CCDC175: variants seen among roughly 807,000 people sequenced by gnomAD.
CCDC175 encodes coiled-coil domain-containing protein 175.
In CCDC175, 100 loss-of-function variants were observed where a neutral mutation model predicts 114.6. That is an observed-to-expected ratio of 0.87 (90% confidence interval 0.74 to 1.03). The LOEUF (loss-of-function observed/expected upper bound fraction) is 1.03. CCDC175 is among the 50% of genes least tolerant of loss of function. The pLI is 0.00. For missense variants in CCDC175, 880 were observed against 917.8 expected (o/e 0.96, Z 0.53); for synonymous variants, 306 against 308.7 (o/e 0.99, Z 0.09).
In CCDC175 at chr14:59,543,333, A is replaced by G; in HGVS notation, c.1283+11T>C. ...AGTAAAGATAAAAAATTTCAAAGGC[A>G]ACAAACATACTGTTGAAGTTCCTGG... On this transcript the variant is annotated intron_variant, in intron 10 of 19. Coordinates refer to ENST00000537690, the MANE Select transcript of CCDC175 (RefSeq NM_001164399.2). 2 of 1,068,242 alleles carry G rather than the reference A, an allele frequency of 1.9e-6. No individual in the cohort carries two copies. The highest frequency in any genetic ancestry group is 1.6e-5 in the African/African-American group (1 of 61,290). The allele number at this position is 1,068,242 out of a possible 1,614,324, so 66.2% of individuals were successfully genotyped here.
At chr14:59,514,691 T>C (rs929946283) in intron 17 of CCDC175, among the ~76,000 whole-genome samples, 1 of 152,184 alleles carries the variant, frequency 6.6e-6, no homozygotes, top group Non-Finnish European at 1.5e-5. Flanking sequence ...TACGTCTGAT[T>C]GGTGTACCTG....
chr14:59,557,061 T>C (rs562358350), intron 7 of CCDC175, among the ~76,000 whole-genome samples: 1 of 152,294 alleles, frequency 6.6e-6, no homozygotes, highest in African/African-American at 2.4e-5. Flanking sequence ...AGTGTGGCGA[T>C]TGCTCAGGGA....
At chr14:59,543,524 AAT>A (rs1234234657) in intron 9 of CCDC175, 70 bp from the exon 10 acceptor site, 28 of 512,420 alleles carry the variant, frequency 5.5e-5, no homozygotes, top group African/African-American at 3.7e-4. Context: ...GAATTTCAAA[AAT>A]AGTTTTGAAA....
At chr14:59,574,592 T>C (rs750695852) in intron 2 of CCDC175, among the ~76,000 whole-genome samples, 18 of 152,216 alleles carry the variant, frequency 1.2e-4, no homozygotes, top group Admixed American at 3.3e-4. Flanking sequence ...AGATTGTGTG[T>C]TTGTTTGTTT....
At chr14:59,506,794 C>T (rs1384605308) in intron 19 of CCDC175, among the ~76,000 whole-genome samples, 1 of 151,862 alleles carries the variant, frequency 6.6e-6, no homozygotes, top group African/African-American at 2.4e-5. Flanking sequence ...TGTATCAAGC[C>T]CCTCATCACA....
intron 13 of CCDC175, among the ~76,000 whole-genome samples, chr14:59,536,439 T>G (rs1472304466): frequency 6.6e-6 from 1 of 151,980 alleles, no homozygotes; most frequent in African/African-American, 2.4e-5. Flanking sequence ...CTTGTTCATC[T>G]CATTTATTTT....
At chr14:59,556,626 T>C (rs1053118262) in intron 7 of CCDC175, among the ~76,000 whole-genome samples, 5 of 152,014 alleles carry the variant, frequency 3.3e-5, no homozygotes, top group Non-Finnish European at 2.9e-5. Flanking sequence ...CTAATTAAAC[T>C]AAAGAGCTTC....
At chr14:59,540,802 T>C in intron 10 of CCDC175, 56 bp from the exon 11 acceptor site, 5 of 1,359,476 alleles carry the variant, frequency 3.7e-6, no homozygotes, top group Non-Finnish European at 5.0e-6. Flanking sequence ...GAATATACAA[T>C]AGACTCTATA....
chr14:59,545,499 T>C (rs1417429159), intron 8 of CCDC175, among the ~76,000 whole-genome samples, 200 bp from the exon 9 acceptor site: 1 of 152,118 alleles, frequency 6.6e-6, no homozygotes, highest in African/African-American at 2.4e-5. Context: ...TTTTTAAGTA[T>C]AGAAAAATAG....
At chr14:59,507,675 T>C (rs1221701914) in intron 19 of CCDC175, among the ~76,000 whole-genome samples, 1 of 152,250 alleles carries the variant, frequency 6.6e-6, no homozygotes, top group African/African-American at 2.4e-5. Flanking sequence ...ATTCAGATTT[T>C]ACTATCACCT....
Position 59,561,308 on chromosome 14 carries a change from C to T in CCDC175, c.844-80G>A, listed in dbSNP as rs1896217153. 13 of 642,642 alleles carry T rather than the reference C, an allele frequency of 2.0e-5. No homozygotes were observed. In the South Asian group the frequency reaches 2.9e-4, roughly 14 times the overall value. The allele number at this position is 642,642 out of a possible 1,614,324, so 39.8% of individuals were successfully genotyped here. A position where few individuals can be genotyped will look rare whatever the true frequency, so the allele number is the denominator to read the frequency against. On this transcript the variant is annotated intron_variant, in intron 6 of 19. Coordinates refer to ENST00000537690, the MANE Select transcript of CCDC175 (RefSeq NM_001164399.2). ...CAGCAGTTCAATTCCACTCAATATT[C>T]ATGAATTACTCATTCAACTTTTACA...
At chr14:59,523,277 T>C (rs559247039) in intron 16 of CCDC175, among the ~76,000 whole-genome samples, 61 of 152,320 alleles carry the variant, frequency 4.0e-4, no homozygotes, top group African/African-American at 1.4e-3. Flanking sequence ...TCTAGGCTCT[T>C]TGGAGCACAA....
intron 12 of CCDC175, 103 bp from the exon 13 acceptor site, chr14:59,538,257 T>C (rs577680103): frequency 2.6e-4 from 242 of 938,234 alleles, no homozygotes; most frequent in Non-Finnish European, 3.6e-4. Flanking sequence ...GGCCTGCTTC[T>C]GATTTCAGTT....
At chr14:59,523,782 G>A (rs895973120) in intron 16 of CCDC175, among the ~76,000 whole-genome samples, 13 of 152,292 alleles carry the variant, frequency 8.5e-5, no homozygotes, top group African/African-American at 2.9e-4. Flanking sequence ...AAGGTCAGGA[G>A]ATCGAGACCA....
chr14:59,537,899 T>A, intron 13 of CCDC175, 124 bp downstream of exon 13: 1 of 614,464 alleles, frequency 1.6e-6, no homozygotes, highest in Non-Finnish European at 2.5e-6. Flanking sequence ...AGAATGAAAT[T>A]GTAGCCTCTT....
chr14:59,539,901 AAAAC>A (rs895308630), intron 11 of CCDC175, among the ~76,000 whole-genome samples: 42 of 152,098 alleles, frequency 2.8e-4, no homozygotes, highest in African/African-American at 9.2e-4. Flanking sequence ...GTCCGTCTCA[AAAAC>A]AAACAAACAA....
chr14:59,555,931 G>T (rs1566628190), intron 7 of CCDC175, among the ~76,000 whole-genome samples: 2 of 152,136 alleles, frequency 1.3e-5, no homozygotes, highest in Admixed American at 6.5e-5. Context: ...CCTCTTCAAA[G>T]AGAACTACAA....
intron 4 of CCDC175, 44 bp downstream of exon 4, chr14:59,568,201 C>T (rs1171251266): frequency 2.0e-6 from 3 of 1,494,016 alleles, no homozygotes; most frequent in Non-Finnish European, 1.8e-6. Flanking sequence ...CCACTCCAGC[C>T]TCAGACCCCT....
At chr14:59,527,535 T>C (rs1893817362) in intron 14 of CCDC175, among the ~76,000 whole-genome samples, 1 of 152,150 alleles carries the variant, frequency 6.6e-6, no homozygotes. Flanking sequence ...TTATAGTTTT[T>C]GTTTAAATAA....
Sources: allele counts gnomAD v4.1 joint callset (sites outside exome capture counted in the v4.1 genomes callset), GRCh38; gene constraint gnomAD v4.1.1; transcripts MANE v1.5; gene names NCBI Gene and HGNC (gene_info 2026-07-23, HGNC 2026-07-21).